PCSK6: variants seen among roughly 807,000 people sequenced by gnomAD.
PCSK6 encodes the protein proprotein convertase subtilisin/kexin type 6.
Under a neutral mutation model 123.3 loss-of-function variants are expected in PCSK6, and 85 were observed. The ratio of observed to expected loss-of-function variants is 0.69; its 90% CI spans 0.58 to 0.83. The LOEUF (loss-of-function observed/expected upper bound fraction) is 0.83, where lower values mean the gene tolerates loss of function less well. PCSK6 is among the 40% of genes least tolerant of loss of function. The probability of loss-of-function intolerance (pLI) is 0.00; values close to 1 mark genes in which losing one functional copy is unlikely to be tolerated. For missense variants in PCSK6, 1,191 were observed against 1,282.3 expected (o/e 0.93, Z 1.09); for synonymous variants, 508 against 516.0 (o/e 0.98, Z 0.21).
At chr15:101,481,604 AG>A (rs2057886443) in intron 1 of PCSK6, among the ~76,000 whole-genome samples, 1 of 152,138 alleles carries the variant, frequency 6.6e-6, no homozygotes, top group African/African-American at 2.4e-5. Flanking sequence ...GGGCGGTGGC[AG>A]GGGCAATGCA....
chr15:101,344,166 T>C (rs1320185120), intron 13 of PCSK6, among the ~76,000 whole-genome samples: 1 of 152,270 alleles, frequency 6.6e-6, no homozygotes, highest in African/African-American at 2.4e-5. Flanking sequence ...AAATTGTCAA[T>C]TGAGATATTT....
chr15:101,309,193 C>CA (rs1343140384), intron 20 of PCSK6: 1 of 152,632 alleles, frequency 6.6e-6, no homozygotes, highest in Non-Finnish European at 1.5e-5. Flanking sequence ...CCTAGGGTCT[C>CA]ACGAGGTTCA....
At chr15:101,342,128 T>TAAAAAA (rs1567152674) in intron 13 of PCSK6, among the ~76,000 whole-genome samples, 2 of 15,654 alleles carry the variant, frequency 1.3e-4, no homozygotes, top group African/African-American at 3.3e-4. Context: ...AGACCCTGTC[T>TAAAAAA]CAAAAAAAAA....
chr15:101,335,674 T>G (rs117648678), intron 13 of PCSK6, among the ~76,000 whole-genome samples: 3,584 of 152,358 alleles, frequency 0.024, 74 homozygotes, highest in South Asian at 0.078. Context: ...ACAGGAGAGA[T>G]GTAGTGTTGT....
intron 1 of PCSK6, among the ~76,000 whole-genome samples, chr15:101,466,027 A>G (rs1315774104): frequency 1.3e-5 from 2 of 152,136 alleles, no homozygotes; most frequent in Non-Finnish European, 2.9e-5. Context: ...GTCTCAACAC[A>G]CCAATCAAAA....
rs534242908 is a variant in PCSK6, at chr15:101,386,135, C to A, written c.1311-1710G>T. On this transcript the variant is annotated intron_variant, in intron 9 of 21. Transcript: ENST00000611716. ...AGGAACGCACACCGTGCTCTCGGTGCGTGTTTACTAGGAACGCACGCCGCG... is the reference window on the plus strand; with the variant it reads ...AGGAACGCACACCGTGCTCTCGGTGAGTGTTTACTAGGAACGCACGCCGCG... 9.3e-4 allele frequency among the ~76,000 whole-genome samples: 142 copies of A among 152,156 alleles called. 1 individual carries two copies. Among genetic ancestry groups the A allele is most frequent in the African/African-American group, 3.0e-3 (123 of 41,470 alleles).
chr15:101,489,559 C>A lies in PCSK6; in HGVS notation c.112G>T (p.Gly38Trp). The A allele has an allele frequency of 4.1e-6, 4 of 978,054 alleles. No individual in the cohort carries two copies. Among genetic ancestry groups the A allele is most frequent in the Non-Finnish European group, 4.8e-6 (4 of 828,922 alleles). The allele number at this position is 978,054 out of a possible 1,614,324, so 60.6% of individuals were successfully genotyped here. A position where few individuals can be genotyped will look rare whatever the true frequency, so the allele number is the denominator to read the frequency against. ...GGAGGAGGAG[G>W]PGFRPLAPRP... ...GGCGCGAGCGGCCGGAACCCGGGCC[C>A]GCCGGCGCCCCCCGCGCCCCCCGCG... The change falls in exon 1 of 22, where the codon GGG becomes TGG. Residue 38 changes from glycine to tryptophan, a missense_variant. This residue lies in a region of PCSK6 where 204 missense variants were observed against 166.4 expected (regional missense o/e 1.23). Transcript: ENST00000611716.
intron 1 of PCSK6, among the ~76,000 whole-genome samples, chr15:101,448,123 A>C (rs1295577910): frequency 6.6e-6 from 1 of 152,252 alleles, no homozygotes; most frequent in East Asian, 1.9e-4. Context: ...TGGTATCTTC[A>C]CAATGAATTA....
chr15:101,366,655 G>A (rs568917265), intron 12 of PCSK6, among the ~76,000 whole-genome samples: 15 of 152,198 alleles, frequency 9.9e-5, no homozygotes, highest in Non-Finnish European at 5.9e-5. Flanking sequence ...CCCCAGTCCC[G>A]ACAATTTCCT....
intron 11 of PCSK6, among the ~76,000 whole-genome samples, chr15:101,380,421 G>A (rs564272845): frequency 1.3e-5 from 2 of 152,290 alleles, no homozygotes; most frequent in Admixed American, 1.3e-4. Context: ...TAGCCTCTGA[G>A]GGTCCAGGCT....
At chr15:101,379,667 A>G (rs1287911502) in intron 11 of PCSK6, among the ~76,000 whole-genome samples, 2 of 152,192 alleles carry the variant, frequency 1.3e-5, no homozygotes. Context: ...AGACAGCTGG[A>G]CCCACAAACG....
rs1446557724 is a variant in PCSK6, at chr15:101,393,198, C to T, written c.1209+14G>A. 1 of 1,602,626 alleles carries T rather than the reference C, an allele frequency of 6.2e-7. No individual in the cohort carries two copies. The highest frequency in any genetic ancestry group is 1.7e-5 in the Admixed American group (1 of 58,898). ...CACTCACTGTAAGCACTCCAACTTG[C>T]CAAGAGAACTTACGATTTTTCGCTC... On this transcript the variant is annotated intron_variant, in intron 8 of 21. Transcript: ENST00000611716.
chr15:101,377,440 C>T (rs962775074), intron 11 of PCSK6, among the ~76,000 whole-genome samples: 1 of 152,208 alleles, frequency 6.6e-6, no homozygotes, highest in Non-Finnish European at 1.5e-5. Flanking sequence ...CCCCACAGCA[C>T]CCCACCTCTG....
intron 13 of PCSK6, among the ~76,000 whole-genome samples, chr15:101,348,262 C>T (rs2040795403): frequency 6.6e-6 from 1 of 152,236 alleles, no homozygotes; most frequent in Non-Finnish European, 1.5e-5. Context: ...GCTGGGGGAG[C>T]CGAGGCAAGG....
intron 1 of PCSK6, among the ~76,000 whole-genome samples, chr15:101,460,448 G>A (rs1282771837): frequency 1.3e-5 from 2 of 152,120 alleles, no homozygotes; most frequent in Non-Finnish European, 2.9e-5. Flanking sequence ...TCCTACATAA[G>A]CTCCCTGATT....
intron 11 of PCSK6, among the ~76,000 whole-genome samples, chr15:101,371,615 T>C (rs1240774269): frequency 6.6e-6 from 1 of 152,224 alleles, no homozygotes; most frequent in Non-Finnish European, 1.5e-5. Context: ...GATTAACCCA[T>C]TTAATCCAGA....
intron 2 of PCSK6, among the ~76,000 whole-genome samples, chr15:101,439,603 T>C (rs549930875): frequency 2.0e-5 from 3 of 152,346 alleles, no homozygotes; most frequent in African/African-American, 7.2e-5. Flanking sequence ...ACTGTCTATG[T>C]GCTCTTGTCA....
chr15:101,425,499 G>A (rs767529303), intron 6 of PCSK6, among the ~76,000 whole-genome samples: 1 of 152,166 alleles, frequency 6.6e-6, no homozygotes, highest in African/African-American at 2.4e-5. Context: ...TCACTCAAGA[G>A]ACTATAATGC....
intron 6 of PCSK6, among the ~76,000 whole-genome samples, chr15:101,420,925 C>G (rs1370827339): frequency 1.3e-5 from 2 of 152,130 alleles, no homozygotes; most frequent in Non-Finnish European, 2.9e-5. Flanking sequence ...CCTAGGGAAA[C>G]TGGGGGTTGA....
Sources: gnomAD v4.1 joint callset for allele counts (sites outside exome capture counted in the v4.1 genomes callset) on GRCh38, gnomAD v4.1.1 for gene constraint, gnomAD v4.1.1 regional missense constraint, MANE v1.5 for transcripts, NCBI Gene and HGNC (gene_info 2026-07-23, HGNC 2026-07-21) for gene names.